The following TRAPPC9 variants were observed in gnomAD, a reference collection of about 807,000 sequenced individuals.
The protein encoded by TRAPPC9 is trafficking protein particle complex subunit 9.
TRAPPC9 carries 83 observed loss-of-function variants against 124.0 expected under a neutral mutation model. The ratio of observed to expected loss-of-function variants is 0.67; its 90% CI spans 0.56 to 0.80. The LOEUF (loss-of-function observed/expected upper bound fraction) is 0.80, where lower values mean the gene tolerates loss of function less well. TRAPPC9 is among the 30% of genes least tolerant of loss of function. The pLI is 0.00. For missense variants in TRAPPC9, 1,302 were observed against 1,508.3 expected (o/e 0.86, Z 2.27); for synonymous variants, 638 against 617.5 (o/e 1.03, Z -0.49).
At chr8:140,258,572 C>T (rs562400457) in intron 15 of TRAPPC9, among the ~76,000 whole-genome samples, 44 of 152,334 alleles carry the variant, frequency 2.9e-4, no homozygotes, top group Admixed American at 1.9e-3. Flanking sequence ...AGCACCTGAC[C>T]CCAAAATGGA....
At chr8:139,929,497 A>C (rs115488727) in intron 19 of TRAPPC9, among the ~76,000 whole-genome samples, 5,408 of 151,888 alleles carry the variant, frequency 0.036, 227 homozygotes, top group African/African-American at 0.1. Flanking sequence ...GCACTTTGGA[A>C]GGCCGAGGTG....
At chr8:140,452,501 G>A (rs2071501567) in intron 1 of TRAPPC9, among the ~76,000 whole-genome samples, 1 of 151,296 alleles carries the variant, frequency 6.6e-6, no homozygotes, top group Admixed American at 6.6e-5. Context: ...GGTTGCGAAT[G>A]TAAAGGGCCT....
At chr8:139,811,599 G>A (rs971762784) in intron 21 of TRAPPC9, among the ~76,000 whole-genome samples, 6 of 152,234 alleles carry the variant, frequency 3.9e-5, no homozygotes, top group Non-Finnish European at 5.9e-5. Context: ...AAAGGATCAG[G>A]AGCTCGGAAT....
intron 21 of TRAPPC9, among the ~76,000 whole-genome samples, chr8:139,757,340 A>T (rs542302809): frequency 2.0e-4 from 29 of 143,336 alleles, no homozygotes; most frequent in African/African-American, 6.1e-4. Flanking sequence ...GGGGATGAGG[A>T]CAGCAGGTCG....
In TRAPPC9 at chr8:140,252,060, T is replaced by C. The variant is rs778068546; in HGVS notation, c.2431+717A>G. 4.1e-4 allele frequency among the ~76,000 whole-genome samples: 63 copies of C among 151,956 alleles called. No homozygotes were observed. The highest frequency in any genetic ancestry group is 6.8e-3 in the Middle Eastern group (2 of 294). ...TTTTTTTTGAGATGGAGTCTCACTG[T>C]GTTGCCCAGGCTGGAGTGCAGTGGC... On this transcript the variant is annotated intron_variant, in intron 16 of 22. Coordinates refer to ENST00000438773, the MANE Select transcript of TRAPPC9 (RefSeq NM_001160372.4). The surrounding 1 kb of genome is among the most constrained non-coding windows in gnomAD (Gnocchi z 4.2).
chr8:139,905,972 T>C (rs1831333724), intron 20 of TRAPPC9, among the ~76,000 whole-genome samples: 3 of 151,772 alleles, frequency 2.0e-5, no homozygotes, highest in South Asian at 4.2e-4. Flanking sequence ...TGTACATCTG[T>C]AGTCCCAGCT....
At chr8:139,860,997 C>T (rs1025906300) in intron 21 of TRAPPC9, among the ~76,000 whole-genome samples, 1 of 152,388 alleles carries the variant, frequency 6.6e-6, no homozygotes, top group East Asian at 1.9e-4. Flanking sequence ...TGGCGCCTAC[C>T]GGCTTTCTGG....
chr8:140,364,471 C>T lies in TRAPPC9; in HGVS notation c.1352-4278G>A, dbSNP rs556593289. 2.5e-4 allele frequency among the ~76,000 whole-genome samples: 38 copies of T among 152,242 alleles called. No homozygotes were observed. The South Asian group carries it at 7.5e-3, about 30-fold the overall frequency. On this transcript the variant is annotated intron_variant, in intron 8 of 22. Transcript: ENST00000438773. ...CTTTAAAAACTTTCTTCTTCCTAAA[C>T]ACTACTCCTTCCCAATTAAATTTCT... is the stretch of plus-strand genomic sequence containing the variant.
intron 4 of TRAPPC9, among the ~76,000 whole-genome samples, chr8:140,430,404 T>C (rs958519408): frequency 6.6e-6 from 1 of 151,682 alleles, no homozygotes; most frequent in Non-Finnish European, 1.5e-5. Flanking sequence ...CCCACCCAAG[T>C]GGAGTGAGGT....
intron 5 of TRAPPC9, among the ~76,000 whole-genome samples, chr8:140,418,627 A>G (rs2070030093): frequency 6.6e-6 from 1 of 152,162 alleles, no homozygotes; most frequent in Admixed American, 6.5e-5. Flanking sequence ...AGGCTGAGGC[A>G]GTAGAATCGC....
intron 16 of TRAPPC9, among the ~76,000 whole-genome samples, chr8:140,250,575 T>G (rs1036670826): frequency 2.6e-5 from 4 of 152,114 alleles, no homozygotes; most frequent in African/African-American, 9.7e-5. Flanking sequence ...GATTGTCTCG[T>G]GCTTCCTCAG....
intron 17 of TRAPPC9, among the ~76,000 whole-genome samples, chr8:140,072,957 T>C (rs1188213655): frequency 2.0e-5 from 3 of 152,162 alleles, no homozygotes; most frequent in African/African-American, 7.2e-5. Flanking sequence ...CATGAAGAAG[T>C]GTTCAATGTC....
At chr8:140,112,315 A>T (rs939681857) in intron 17 of TRAPPC9, among the ~76,000 whole-genome samples, 30 of 146,780 alleles carry the variant, frequency 2.0e-4, no homozygotes, top group Non-Finnish European at 1.2e-4. Flanking sequence ...GTGCGAGGAG[A>T]GTAATGAAGA....
At chr8:139,781,559 A>T (rs762782189) in intron 21 of TRAPPC9, among the ~76,000 whole-genome samples, 8 of 152,272 alleles carry the variant, frequency 5.3e-5, no homozygotes, top group Non-Finnish European at 1.0e-4. Context: ...ACATGTCATT[A>T]GACATTTATT....
chr8:139,810,501 A>G (rs1459672442), intron 21 of TRAPPC9, among the ~76,000 whole-genome samples: 1 of 152,162 alleles, frequency 6.6e-6, no homozygotes, highest in Non-Finnish European at 1.5e-5. Flanking sequence ...GAAACCAGCA[A>G]ATGCTACAGA....
chr8:139,899,840 G>C (rs144551951), intron 20 of TRAPPC9, among the ~76,000 whole-genome samples: 101 of 152,286 alleles, frequency 6.6e-4, no homozygotes, highest in African/African-American at 2.3e-3. Flanking sequence ...GCCTCACCAA[G>C]GGCTGAGGGC....
rs539932695 is a variant in TRAPPC9 at position 140,305,461 on chromosome 8, C to T, written c.1623-4847G>A. On this transcript the variant is annotated intron_variant, in intron 10 of 22. Transcript: ENST00000438773. ...GACTCCAGGCATGCACTACCACATC[C>T]GACTAATTTTTTGTATTTTTGGAAG... Among the ~76,000 whole-genome samples the T allele has an allele frequency of 1.3e-4, 20 of 152,126 alleles. No homozygotes were observed. The South Asian group carries it at 3.3e-3, about 25-fold the overall frequency.
At chr8:140,184,017 C>A (rs1441976725) in intron 17 of TRAPPC9, among the ~76,000 whole-genome samples, 2 of 148,040 alleles carry the variant, frequency 1.4e-5, no homozygotes, top group Non-Finnish European at 3.0e-5. Flanking sequence ...AGAGAAGATC[C>A]ATTGGTCTGA....
chr8:139,964,675 C>T (rs1174017173), intron 19 of TRAPPC9, among the ~76,000 whole-genome samples: 2 of 146,642 alleles, frequency 1.4e-5, no homozygotes, highest in Non-Finnish European at 1.5e-5. Flanking sequence ...ACAGCATCTC[C>T]AAGATGATAA....
Sources: gnomAD v4.1 joint callset for allele counts (sites outside exome capture counted in the v4.1 genomes callset) on GRCh38, gnomAD v4.1.1 for gene constraint, Gnocchi (gnomAD v3.1) non-coding constraint, MANE v1.5 for transcripts, NCBI Gene and HGNC (gene_info 2026-07-23, HGNC 2026-07-21) for gene names.